The following FLVCR2 variants were observed in gnomAD, a reference collection of about 807,000 sequenced individuals.
The protein encoded by FLVCR2 is FLVCR choline and putative heme transporter 2.
A neutral mutation model predicts 48.9 loss-of-function variants in FLVCR2; 38 were observed. The observed-to-expected ratio is 0.78, with a 90% confidence interval of 0.60 to 1.02. The LOEUF is 1.02. Ranked by LOEUF, FLVCR2 falls within the 50% of genes least tolerant of loss-of-function variation. FLVCR2 has a pLI of 0.00. For synonymous variants in FLVCR2, 255 were observed against 257.0 expected, an observed-to-expected ratio of 0.99 and a Z score of 0.07; for missense variants, 664 against 663.3, an observed-to-expected ratio of 1.00 and a Z score of -0.01.
intron 1 of FLVCR2, among the ~76,000 whole-genome samples, chr14:75,611,040 C>T (rs756663261): frequency 5.3e-5 from 8 of 152,102 alleles, no homozygotes; most frequent in Non-Finnish European, 1.0e-4. Flanking sequence ...ACGTGGTATG[C>T]GGGAGGGTCA....
At chr14:75,639,263 A>G (rs1469922115) in intron 5 of FLVCR2, 89 bp from the exon 6 acceptor site, 1 of 854,294 alleles carries the variant, frequency 1.2e-6, no homozygotes, top group Non-Finnish European at 2.0e-6. Flanking sequence ...CATGCGGCAG[A>G]TACTTAATAG....
At chr14:75,599,444 A>T (rs1889110020) in intron 1 of FLVCR2, among the ~76,000 whole-genome samples, 1 of 152,228 alleles carries the variant, frequency 6.6e-6, no homozygotes, top group Non-Finnish European at 1.5e-5. Context: ...AATGTTGCTG[A>T]AAGAAATTAA....
chr14:75,641,980 A>T lies in FLVCR2; in HGVS notation c.1509+82A>T, dbSNP rs535425165. On this transcript the variant is annotated intron_variant, in intron 9 of 9. Transcript: ENST00000238667. The stretch of plus-strand genomic sequence containing the variant: ...ATGTGGCAACATAGATGGGGCAGGG[A>T]GAACTCCCACAGGGACTGGTTTTGT... 148 of 1,258,376 alleles carry T rather than the reference A, an allele frequency of 1.2e-4. No individual in the cohort carries two copies. In the African/African-American group the frequency reaches 2.0e-3, roughly 17 times the overall value. 78.0% of individuals were successfully genotyped at this position (1,258,376 alleles called of 1,614,324 possible).
intron 3 of FLVCR2, among the ~76,000 whole-genome samples, chr14:75,632,237 C>T (rs539435767): frequency 2.8e-4 from 43 of 152,300 alleles, no homozygotes; most frequent in African/African-American, 1.0e-3. Flanking sequence ...AAATTATTTC[C>T]CATTTTGCAA....
chr14:75,590,443 A>C (rs1422477783), intron 1 of FLVCR2, among the ~76,000 whole-genome samples: 1 of 152,180 alleles, frequency 6.6e-6, no homozygotes, highest in East Asian at 1.9e-4. Context: ...CACATACAAA[A>C]TACAGTCATT....
At chr14:75,634,702 T>A (rs1890123879) in intron 4 of FLVCR2, among the ~76,000 whole-genome samples, 1 of 152,214 alleles carries the variant, frequency 6.6e-6, no homozygotes, top group Non-Finnish European at 1.5e-5. Context: ...CAGCATCCAA[T>A]ATCATGCACA....
chr14:75,587,961 T>C (rs776053672), intron 1 of FLVCR2, among the ~76,000 whole-genome samples: 1 of 152,252 alleles, frequency 6.6e-6, no homozygotes, highest in Non-Finnish European at 1.5e-5. Flanking sequence ...ACAGTCACTT[T>C]ACAGAACCAG....
chr14:75,595,841 C>T, intron 1 of FLVCR2: 1 of 935,316 alleles, frequency 1.1e-6, no homozygotes, highest in South Asian at 1.3e-5. Flanking sequence ...CAACATTGGC[C>T]TTTGCAGTCC....
At chr14:75,629,856 G>C (rs1418021467) in intron 3 of FLVCR2, among the ~76,000 whole-genome samples, 1 of 152,206 alleles carries the variant, frequency 6.6e-6, no homozygotes, top group Non-Finnish European at 1.5e-5. Flanking sequence ...TCTGAACTCA[G>C]AGCCTCAACT....
In FLVCR2 at chr14:75,596,112, T is replaced by TTC. The variant is rs1889013228; in HGVS notation, c.669+16472_669+16473dup. ...AATTTCTGTCTTAGGCACTGTTGCC[T>TTC]TCCCAGGGTGAAGGATATCAATGAC... On this transcript the variant is annotated intron_variant, in intron 1 of 9. Coordinates refer to ENST00000238667, the MANE Select transcript of FLVCR2 (RefSeq NM_017791.3). 6 of 951,214 alleles carry TTC rather than the reference T, an allele frequency of 6.3e-6. No homozygotes were observed. The South Asian group carries it at 7.7e-5, about 12-fold the overall frequency. The allele number at this position is 951,214 out of a possible 1,614,324, so 58.9% of individuals were successfully genotyped here.
intron 1 of FLVCR2, among the ~76,000 whole-genome samples, chr14:75,600,978 C>G (rs2359864): frequency 0.43 from 65,785 of 151,942 alleles, 19,897 homozygotes; most frequent in African/African-American, 0.84. Context: ...CTAACCTAGC[C>G]GCGCTAGAGG....
chr14:75,607,322 A>G (rs1464173471), intron 1 of FLVCR2, among the ~76,000 whole-genome samples: 1 of 152,228 alleles, frequency 6.6e-6, no homozygotes, highest in Non-Finnish European at 1.5e-5. Context: ...GTTCTACAAC[A>G]TGCTAGTGTT....
At chr14:75,637,136 C>A (rs1355955299) in intron 5 of FLVCR2, among the ~76,000 whole-genome samples, 2 of 152,328 alleles carry the variant, frequency 1.3e-5, no homozygotes, top group East Asian at 3.9e-4. Context: ...GCAGAAGGGA[C>A]ACAGGTTTCA....
At chr14:75,606,935 C>G (rs902885565) in intron 1 of FLVCR2, among the ~76,000 whole-genome samples, 15 of 151,818 alleles carry the variant, frequency 9.9e-5, no homozygotes, top group Non-Finnish European at 1.8e-4. Flanking sequence ...CAGAGTGAGA[C>G]CCTGTCTTAA....
chr14:75,621,856 A>C (rs571977503), intron 1 of FLVCR2, among the ~76,000 whole-genome samples: 1 of 152,354 alleles, frequency 6.6e-6, no homozygotes, highest in African/African-American at 2.4e-5. Context: ...ACATGTTCTT[A>C]TAATAGGCAT....
intron 5 of FLVCR2, among the ~76,000 whole-genome samples, chr14:75,636,110 G>A (rs1890161945): frequency 6.6e-6 from 1 of 152,196 alleles, no homozygotes; most frequent in African/African-American, 2.4e-5. Flanking sequence ...GGCTGGCGGG[G>A]CAGCTGTTGG....
At position 75,578,632 on chromosome 14, in the gene FLVCR2, G is replaced by C; in HGVS notation, c.-341G>C. On this transcript the variant is annotated 5_prime_UTR_variant, in exon 1 of 10. Transcript: ENST00000238667. ...AAGCTGGCCCGGGAGAGGACTCTGCGGGCGAAGTGGCTGCGCAAGGAGAGA... is the reference window on the plus strand; with the variant it reads ...AAGCTGGCCCGGGAGAGGACTCTGCCGGCGAAGTGGCTGCGCAAGGAGAGA... 2.6e-6 allele frequency: 1 copy of C among 388,266 alleles called. No homozygotes were observed. The highest frequency in any genetic ancestry group is 4.8e-6 in the Non-Finnish European group (1 of 206,562). 24.1% of individuals were successfully genotyped at this position (388,266 alleles called of 1,614,324 possible).
intron 1 of FLVCR2, among the ~76,000 whole-genome samples, chr14:75,616,933 T>G (rs1889634765): frequency 1.3e-5 from 2 of 152,182 alleles, no homozygotes; most frequent in Admixed American, 6.5e-5. Context: ...TTGCCTTGCC[T>G]TTTGGGGAAG....
chr14:75,631,642 C>T (rs142818863), intron 3 of FLVCR2: 1 of 397,112 alleles, frequency 2.5e-6, no homozygotes, highest in African/African-American at 2.1e-5. Context: ...TGGAACATTC[C>T]TTGCCCTTTG....
Sources: gnomAD v4.1 joint callset for allele counts (sites outside exome capture counted in the v4.1 genomes callset) on GRCh38, gnomAD v4.1.1 for gene constraint, MANE v1.5 for transcripts, NCBI Gene and HGNC (gene_info 2026-07-23, HGNC 2026-07-21) for gene names.